Variants in EOGT observed in about 807,000 individuals in gnomAD.
EOGT encodes EGF domain-specific O-linked N-acetylglucosamine transferase.
In EOGT, 55 loss-of-function variants were observed where a neutral mutation model predicts 70.5. The ratio of observed to expected loss-of-function variants is 0.78; its 90% CI spans 0.63 to 0.98. EOGT has a LOEUF of 0.98. EOGT is among the 50% of genes least tolerant of loss of function. The pLI is 0.00. For synonymous variants in EOGT, 246 were observed against 217.1 expected, an observed-to-expected ratio of 1.13 and a Z score of -1.17; for missense variants, 703 against 641.9, an observed-to-expected ratio of 1.10 and a Z score of -1.03.
chr3:69,004,442 G>A lies in EOGT; in HGVS notation c.556C>T (p.His186Tyr), dbSNP rs1410155932. The A allele has an allele frequency of 6.2e-7, 1 of 1,613,960 alleles. No individual in the cohort carries two copies. Among genetic ancestry groups the A allele is most frequent in the Non-Finnish European group, 8.5e-7 (1 of 1,179,880 alleles). The change falls in exon 8 of 18, where the codon CAC (histidine) becomes TAC (tyrosine). Residue 186 changes from histidine (H) to tyrosine (Y), a missense_variant. Coordinates refer to ENST00000383701, the MANE Select transcript of EOGT (RefSeq NM_001278689.2). ...AATGTACGGATGTCAAGTTTACAGTGCCCTCCAATTTCACCACTCTGGAAA... is the reference window on the plus strand; with the variant it reads ...AATGTACGGATGTCAAGTTTACAGTACCCTCCAATTTCACCACTCTGGAAA... ...DFFQSGEIGGHCKLDIRTLTS... is the reference protein window; with the variant it reads ...DFFQSGEIGGYCKLDIRTLTS...
At chr3:68,992,473 T>C (rs1409026642) in intron 10 of EOGT, among the ~76,000 whole-genome samples, 2 of 152,158 alleles carry the variant, frequency 1.3e-5, no homozygotes. Flanking sequence ...AAGCATGAAG[T>C]GGGTTCCCAC....
intron 15 of EOGT, among the ~76,000 whole-genome samples, chr3:68,980,931 A>T (rs567242371): frequency 1.4e-4 from 22 of 152,268 alleles, no homozygotes; most frequent in African/African-American, 4.6e-4. Flanking sequence ...CATATCCTTA[A>T]AAGCCAGTCA....
Position 68,979,743 on chromosome 3 carries a change from T to C in EOGT, c.1259A>G (p.Asp420Gly). The C allele has an allele frequency of 6.2e-7, 1 of 1,613,646 alleles. No homozygotes were observed. Among genetic ancestry groups the C allele is most frequent in the Non-Finnish European group, 8.5e-7 (1 of 1,179,652 alleles). Reference sequence around the variant, plus strand: ...AGCTCCATGCATTCCAATAAATATGTCCGTGTTGTGTGTGATCCTTAGTTG... The same window carrying C: ...AGCTCCATGCATTCCAATAAATATGCCCGTGTTGTGTGTGATCCTTAGTTG... ...LDQLRITHNTDIFIGMHGAGL... is the reference protein window; with the variant it reads ...LDQLRITHNTGIFIGMHGAGL... The change falls in exon 16 of 18, where the codon GAC (aspartate) becomes GGC (glycine). Residue 420 changes from aspartate (D) to glycine (G), a missense_variant. Asp to Gly is a moderately conservative substitution (Grantham distance 94, BLOSUM62 -1). Transcript: ENST00000383701.
At chr3:68,990,724 T>C (rs1190742321) in intron 10 of EOGT, among the ~76,000 whole-genome samples, 1 of 152,208 alleles carries the variant, frequency 6.6e-6, no homozygotes, top group Non-Finnish European at 1.5e-5. Flanking sequence ...TGGTTTCACT[T>C]AGATTGAAAA....
intron 14 of EOGT, among the ~76,000 whole-genome samples, chr3:68,986,071 T>C (rs1227614308): frequency 6.6e-6 from 1 of 152,072 alleles, no homozygotes; most frequent in Non-Finnish European, 1.5e-5. Flanking sequence ...TCTCCCACTT[T>C]TAAGGAAATT....
chr3:68,988,615 C>A (rs532021290), intron 11 of EOGT, 38 bp from the exon 12 acceptor site: 4 of 1,223,392 alleles, frequency 3.3e-6, no homozygotes, highest in Non-Finnish European at 1.1e-6. Context: ...ATGTAATTTG[C>A]ACCCTTCACA....
In EOGT at chr3:69,005,149, T is replaced by C. The variant is rs752165635; in HGVS notation, c.506A>G (p.Asn169Ser). The C allele has an allele frequency of 1.3e-6, 2 of 1,560,166 alleles. No homozygotes were observed. The highest frequency in any genetic ancestry group is 1.1e-5 in the South Asian group (1 of 88,666). ...TTAACCACTAAAGTACCTGTCATGA[T>C]TTCTCTTGATGTTTCTTAAATCAAG... ...LYLDLRNIKR[N>S]HDRFKEDFFQ... Residue 169 changes from asparagine (N) to serine (S), a missense_variant, in exon 7 of 18, where the codon AAT becomes AGT. Asn to Ser is a conservative substitution (Grantham distance 46). Coordinates refer to ENST00000383701, the MANE Select transcript of EOGT (RefSeq NM_001278689.2).
At chr3:69,008,392 G>C (rs764207630) in intron 5 of EOGT, 36 bp downstream of exon 5, 9 of 1,432,624 alleles carry the variant, frequency 6.3e-6, no homozygotes, top group Non-Finnish European at 8.9e-6. Context: ...ATAGAAAGAG[G>C]AAGACTTGAA....
chr3:69,002,654 T>C (rs1351735451), intron 8 of EOGT, among the ~76,000 whole-genome samples: 2 of 138,654 alleles, frequency 1.4e-5, no homozygotes, highest in Non-Finnish European at 3.1e-5. Flanking sequence ...TTGCTCAGCA[T>C]GAATTTCTTT....
Position 69,004,415 on chromosome 3 carries a change from T to G in EOGT, c.583A>C (p.Thr195Pro). 1.2e-6 allele frequency: 2 copies of G among 1,614,154 alleles called. No homozygotes were observed. Among genetic ancestry groups the G allele is most frequent in the Non-Finnish European group, 1.7e-6 (2 of 1,179,992 alleles). ...GGGCTTTTGCGCTGACCTTCAGACG[T>G]CAATGTACGGATGTCAAGTTTACAG... ...GHCKLDIRTLTSEGQRKSPLQ... is the reference protein window; with the variant it reads ...GHCKLDIRTLPSEGQRKSPLQ... The change falls in exon 8 of 18, where the codon ACG becomes CCG. Residue 195 changes from threonine to proline, a missense_variant. Thr to Pro is a conservative substitution (Grantham distance 38). Transcript: ENST00000383701.
chr3:68,983,888 G>A (rs747492098), intron 14 of EOGT, among the ~76,000 whole-genome samples: 2 of 152,172 alleles, frequency 1.3e-5, no homozygotes, highest in Non-Finnish European at 2.9e-5. Context: ...ACTTGAACCC[G>A]AGAGATGGAG....
chr3:69,003,661 C>T (rs1300348057), intron 8 of EOGT, among the ~76,000 whole-genome samples: 3 of 152,104 alleles, frequency 2.0e-5, no homozygotes, highest in African/African-American at 7.2e-5. Flanking sequence ...TTTTAAAATA[C>T]AAACTTTTTA....
At position 68,987,525 on chromosome 3, in the gene EOGT, A is replaced by T; in HGVS notation, c.1084-12T>A. ...CGAATTTTTCCATCCTGTAATCAAAATGAAACGGTAAAATAACACTGCATA... is the reference window on the plus strand; with the variant it reads ...CGAATTTTTCCATCCTGTAATCAAATTGAAACGGTAAAATAACACTGCATA... On this transcript the variant is annotated splice_polypyrimidine_tract_variant and intron_variant, in intron 13 of 17. Transcript: ENST00000383701. 1 of 1,605,170 alleles carries T rather than the reference A, an allele frequency of 6.2e-7. No homozygotes were observed. Among genetic ancestry groups the T allele is most frequent in the African/African-American group, 1.3e-5 (1 of 74,956 alleles).
intron 10 of EOGT, among the ~76,000 whole-genome samples, chr3:68,992,854 C>A (rs2091034089): frequency 6.6e-6 from 1 of 152,238 alleles, no homozygotes; most frequent in African/African-American, 2.4e-5. Context: ...ACCGCAGGCT[C>A]AACACCACAT....
chr3:69,005,358 A>C (rs756216953), intron 6 of EOGT, 124 bp from the exon 7 acceptor site: 3 of 527,900 alleles, frequency 5.7e-6, no homozygotes, highest in Admixed American at 3.4e-5. Context: ...ATGACAAGGA[A>C]AGCTCTCCAA....
intron 10 of EOGT, among the ~76,000 whole-genome samples, chr3:68,990,348 CTTTT>C (rs56046605): frequency 9.0e-4 from 97 of 107,862 alleles, no homozygotes; most frequent in East Asian, 8.8e-4. Flanking sequence ...TTACCACATG[CTTTT>C]TTTTTTTTTT....
intron 14 of EOGT, among the ~76,000 whole-genome samples, chr3:68,987,118 T>C (rs1045360212): frequency 1.3e-5 from 2 of 152,244 alleles, no homozygotes; most frequent in Admixed American, 1.3e-4. Context: ...ATCTGTTGCA[T>C]CAACTATGCA....
chr3:68,986,295 C>T (rs997948020), intron 14 of EOGT, among the ~76,000 whole-genome samples: 6 of 152,146 alleles, frequency 3.9e-5, no homozygotes, highest in African/African-American at 1.4e-4. Context: ...TGTAACCTAA[C>T]CTGTTCACAG....
At chr3:68,995,485 G>A (rs1216188455) in intron 10 of EOGT, among the ~76,000 whole-genome samples, 2 of 152,150 alleles carry the variant, frequency 1.3e-5, no homozygotes, top group Admixed American at 6.5e-5. Flanking sequence ...CAGAGCTGAG[G>A]TCAGACTGCC....
Sources: allele counts gnomAD v4.1 joint callset (sites outside exome capture counted in the v4.1 genomes callset), GRCh38; gene constraint gnomAD v4.1.1; transcripts MANE v1.5; gene names NCBI Gene and HGNC (gene_info 2026-07-23, HGNC 2026-07-21).